Variants in SYMPK observed in about 807,000 individuals in gnomAD.
The protein encoded by SYMPK is symplekin.
A neutral mutation model predicts 136.4 loss-of-function variants in SYMPK; 49 were observed. The observed-to-expected ratio is 0.36, with a 90% CI of 0.29 to 0.46. The LOEUF (loss-of-function observed/expected upper bound fraction) is 0.46. Ranked by LOEUF, SYMPK falls within the 20% of genes least tolerant of loss-of-function variation. The probability of loss-of-function intolerance (pLI) is 1.00; values close to 1 mark genes in which losing one functional copy is unlikely to be tolerated. For synonymous variants in SYMPK, 766 were observed against 713.0 expected, an observed-to-expected ratio of 1.07 and a Z score of -1.19; for missense variants, 1,365 against 1,690.0, an observed-to-expected ratio of 0.81 and a Z score of 3.37.
At chr19:45,839,726 G>T (rs1359472301) in intron 9 of SYMPK, among the ~76,000 whole-genome samples, 2 of 152,126 alleles carry the variant, frequency 1.3e-5, no homozygotes, top group South Asian at 4.1e-4. Flanking sequence ...CAGCTACTCG[G>T]GAGGCTGAGG....
At chr19:45,858,574 G>A (rs1195398343) in intron 1 of SYMPK, among the ~76,000 whole-genome samples, 4 of 151,584 alleles carry the variant, frequency 2.6e-5, no homozygotes, top group African/African-American at 7.3e-5. Context: ...GGAGTGCAAT[G>A]GCGTGATCTC....
intron 19 of SYMPK, 37 bp from the exon 20 acceptor site, chr19:45,823,509 G>T: frequency 6.3e-7 from 1 of 1,596,058 alleles, no homozygotes; most frequent in South Asian, 1.1e-5. Context: ...AGTTGGAGGC[G>T]GAGGGGAGCG....
chr19:45,858,716 T>C (rs1468615900), intron 1 of SYMPK, among the ~76,000 whole-genome samples: 3 of 152,100 alleles, frequency 2.0e-5, no homozygotes, highest in Admixed American at 6.6e-5. Flanking sequence ...GGTTTCTCCA[T>C]GTTGGTCAGG....
chr19:45,831,255 C>T, intron 12 of SYMPK, 129 bp downstream of exon 12: 2 of 654,124 alleles, frequency 3.1e-6, no homozygotes, highest in Non-Finnish European at 4.6e-6. Flanking sequence ...GAACCTATTC[C>T]AGACTTCCTT....
chr19:45,826,723 C>G (rs1395727966), intron 16 of SYMPK, among the ~76,000 whole-genome samples: 1 of 152,194 alleles, frequency 6.6e-6, no homozygotes, highest in East Asian at 1.9e-4. Context: ...CTGTTTCACT[C>G]AGATATCATC....
chr19:45,830,102 C>A lies in SYMPK; in HGVS notation c.1701G>T (p.Lys567Asn), dbSNP rs763673530. ...CAGCCTTCTCAGCCCGCAGGATCCG[C>A]TTCACAGCGCCCAGCTTCATGGCTT... ...QVEAMKLGAV[K>N]RILRAEKAVA... Residue 567 changes from lysine (K) to asparagine (N), a missense_variant, in exon 13 of 27, where the codon AAG (lysine) becomes AAT (asparagine). This residue lies in a region of SYMPK where 303 missense variants were observed against 326.6 expected (regional missense o/e 0.93). Coordinates refer to ENST00000245934, the MANE Select transcript of SYMPK (RefSeq NM_004819.3). The A allele has an allele frequency of 2.5e-6, 4 of 1,577,356 alleles. No individual in the cohort carries two copies. The South Asian group carries it at 4.6e-5, about 18-fold the overall frequency.
Position 45,830,465 on chromosome 19 carries a change from C to T in SYMPK, c.1599-261G>A, listed in dbSNP as rs190769594. 627 of 439,888 alleles carry T rather than the reference C, an allele frequency of 1.4e-3. 1 individual carries two copies. Among genetic ancestry groups the T allele is most frequent in the Admixed American group, 2.9e-3 (85 of 29,076 alleles). The allele number at this position is 439,888 out of a possible 1,614,324, so 27.2% of individuals were successfully genotyped here. ...TCTGAACGGAGGCAGGGACAAGATA[C>T]ACAAATGTCTGGGGGACCAGCTCTC... On this transcript the variant is annotated intron_variant, in intron 12 of 26. Coordinates refer to ENST00000245934, the MANE Select transcript of SYMPK (RefSeq NM_004819.3).
At chr19:45,839,668 A>C (rs1971389760) in intron 9 of SYMPK, among the ~76,000 whole-genome samples, 1 of 151,804 alleles carries the variant, frequency 6.6e-6, no homozygotes, top group Non-Finnish European at 1.5e-5. Context: ...GTCTCTACTA[A>C]AAAAAATACA....
intron 7 of SYMPK, among the ~76,000 whole-genome samples, chr19:45,845,753 T>G (rs555700993): frequency 6.6e-6 from 1 of 152,324 alleles, no homozygotes; most frequent in East Asian, 1.9e-4. Context: ...AGCTCAATTT[T>G]TAATTTTTTG....
chr19:45,817,337 CTG>C (rs1970771069), intron 23 of SYMPK, among the ~76,000 whole-genome samples: 1 of 151,486 alleles, frequency 6.6e-6, no homozygotes, highest in South Asian at 2.1e-4. Flanking sequence ...GTGCCGGGAC[CTG>C]TCCTGGGTCA....
rs1419007102 is a variant in SYMPK at position 45,854,520 on chromosome 19, A to G, written c.-12-13T>C. The G allele has an allele frequency of 3.7e-6, 6 of 1,606,916 alleles. No homozygotes were observed. The highest frequency in any genetic ancestry group is 2.7e-5 in the African/African-American group (2 of 74,796). On this transcript the variant is annotated splice_polypyrimidine_tract_variant and intron_variant, in intron 1 of 26. Transcript: ENST00000245934. ...TGGCTGCTGTCAGCTTGTCCCCAGG[A>G]AAGAAGAGGATGGATCAAGCTCAGG...
At chr19:45,835,306 G>T in intron 10 of SYMPK, 78 bp from the exon 11 acceptor site, 1 of 1,429,246 alleles carries the variant, frequency 7.0e-7, no homozygotes, top group Non-Finnish European at 9.4e-7. Flanking sequence ...TGCCAATACT[G>T]GGGAAATGGC....
chr19:45,832,855 CAA>C (rs10561490), intron 11 of SYMPK, among the ~76,000 whole-genome samples: 39,015 of 118,272 alleles, frequency 0.33, 5,611 homozygotes, highest in Non-Finnish European at 0.36. Context: ...ACTAAAAATA[CAA>C]AAAAAAAAAA....
At chr19:45,853,738 T>TCTGGGCTCCCAGAGCCCCC (rs560440247) in intron 3 of SYMPK, among the ~76,000 whole-genome samples, 3 of 152,086 alleles carry the variant, frequency 2.0e-5, no homozygotes, top group Non-Finnish European at 2.9e-5. Context: ...AGGAGCTCCC[T>TCTGGGCTCCCAGAGCCCCC]CTGGGCTCCC....
chr19:45,816,437 G>A (rs773780219), intron 25 of SYMPK, 45 bp downstream of exon 25: 2 of 1,582,276 alleles, frequency 1.3e-6, no homozygotes, highest in South Asian at 1.1e-5. Flanking sequence ...TGGGGTAGGG[G>A]GTGGGAGTCT....
chr19:45,815,645 A>T lies in SYMPK; in HGVS notation c.3740T>A (p.Leu1247His). The T allele has an allele frequency of 6.2e-7, 1 of 1,610,118 alleles. No homozygotes were observed. Among genetic ancestry groups the T allele is most frequent in the Non-Finnish European group, 8.5e-7 (1 of 1,179,012 alleles). The part of the protein sequence containing the change: ...TLKEERSPQT[L>H]APVGEDAMKT... Reference sequence around the variant, plus strand: ...CATAGCATCTTCTCCAACAGGTGCGAGGGTCTGGGGGCTCCGCTCCTCCTT... The same window carrying T: ...CATAGCATCTTCTCCAACAGGTGCGTGGGTCTGGGGGCTCCGCTCCTCCTT... Residue 1247 changes from leucine to histidine, a missense_variant, in exon 27 of 27, where the codon CTC (leucine) becomes CAC (histidine). Coordinates refer to ENST00000245934, the MANE Select transcript of SYMPK (RefSeq NM_004819.3).
At chr19:45,858,875 T>C (rs1320418130) in intron 1 of SYMPK, among the ~76,000 whole-genome samples, 5 of 152,244 alleles carry the variant, frequency 3.3e-5, no homozygotes, top group South Asian at 2.1e-4. Flanking sequence ...TTTTTCTCCA[T>C]AGCATTTATC....
In SYMPK at chr19:45,827,636, G is replaced by A. The variant is rs756545907; in HGVS notation, c.2068-13C>T. 1.2e-6 allele frequency: 2 copies of A among 1,610,646 alleles called. No homozygotes were observed. Among genetic ancestry groups the A allele is most frequent in the Non-Finnish European group, 1.7e-6 (2 of 1,176,872 alleles). ...GATAGGTGCGACTCTGCAGCAAAAGGAAAGGGACCCGAGCTCAGCCCACCT... is the reference window on the plus strand; with the variant it reads ...GATAGGTGCGACTCTGCAGCAAAAGAAAAGGGACCCGAGCTCAGCCCACCT... On this transcript the variant is annotated splice_polypyrimidine_tract_variant and intron_variant, in intron 15 of 26. Coordinates refer to ENST00000245934, the MANE Select transcript of SYMPK (RefSeq NM_004819.3).
At chr19:45,843,053 T>C (rs1339293086) in intron 8 of SYMPK, 1 of 153,406 alleles carries the variant, frequency 6.5e-6, no homozygotes, top group Non-Finnish European at 1.5e-5. Context: ...CTGGGGCCAG[T>C]GAGAATACCA....
Sources: gnomAD v4.1 joint callset for allele counts (sites outside exome capture counted in the v4.1 genomes callset) on GRCh38, gnomAD v4.1.1 for gene constraint, gnomAD v4.1.1 regional missense constraint, MANE v1.5 for transcripts, NCBI Gene and HGNC (gene_info 2026-07-23, HGNC 2026-07-21) for gene names.